The following KCNIP4 variants were observed in gnomAD, a reference collection of about 807,000 sequenced individuals.
KCNIP4 encodes the protein Kv channel-interacting protein 4.
Under a neutral mutation model 34.0 loss-of-function variants are expected in KCNIP4, and 12 were observed. The ratio of observed to expected loss-of-function variants is 0.35; its 90% confidence interval spans 0.23 to 0.57. The LOEUF is 0.57. Ranked by LOEUF, KCNIP4 falls within the 20% of genes least tolerant of loss-of-function variation. The probability of loss-of-function intolerance (pLI) is 0.83; values close to 1 mark genes in which losing one functional copy is unlikely to be tolerated. For synonymous variants in KCNIP4, 124 were observed against 102.2 expected (o/e 1.21, Z -1.29); for missense variants, 238 against 311.7 (o/e 0.76, Z 1.78).
intron 1 of KCNIP4, among the ~76,000 whole-genome samples, chr4:20,913,921 C>T (rs1728568505): frequency 1.3e-5 from 2 of 151,986 alleles, no homozygotes; most frequent in South Asian, 4.2e-4. Flanking sequence ...TTTGGGAGGC[C>T]AAGGTGGGCG....
At chr4:21,535,809 C>G (rs970983731) in intron 1 of KCNIP4, among the ~76,000 whole-genome samples, 2 of 152,040 alleles carry the variant, frequency 1.3e-5, no homozygotes, top group African/African-American at 2.4e-5. Context: ...TATTTCCATC[C>G]TAAGGTTTTT....
chr4:21,266,843 A>G (rs1670563887), intron 1 of KCNIP4, among the ~76,000 whole-genome samples: 1 of 152,198 alleles, frequency 6.6e-6, no homozygotes, highest in African/African-American at 2.4e-5. Context: ...TGATGCAATC[A>G]TAATTTGGCT....
intron 1 of KCNIP4, among the ~76,000 whole-genome samples, chr4:21,152,894 C>T (rs1577795164): frequency 6.6e-6 from 1 of 152,126 alleles, no homozygotes; most frequent in East Asian, 1.9e-4. Context: ...TCGAAACAAT[C>T]CCCACCCCCC....
chr4:21,607,846 G>A (rs2109137847), intron 1 of KCNIP4, among the ~76,000 whole-genome samples: 1 of 152,130 alleles, frequency 6.6e-6, no homozygotes, highest in South Asian at 2.1e-4. Flanking sequence ...TAGTCACATA[G>A]CACAGCTGGT....
intron 1 of KCNIP4, among the ~76,000 whole-genome samples, chr4:21,787,269 G>A (rs1719973948): frequency 6.6e-6 from 1 of 152,162 alleles, no homozygotes. Context: ...TGATGCATAT[G>A]CAATTATTCT....
intron 1 of KCNIP4, among the ~76,000 whole-genome samples, chr4:21,947,458 C>A (rs935900079): frequency 6.6e-5 from 10 of 152,260 alleles, no homozygotes; most frequent in African/African-American, 2.4e-4. Flanking sequence ...TCAAGTGAGA[C>A]TAGTGTCCTC....
At chr4:20,921,770 G>A (rs12650791) in intron 1 of KCNIP4, among the ~76,000 whole-genome samples, 6,390 of 152,170 alleles carry the variant, frequency 0.042, 270 homozygotes, top group African/African-American at 0.11. Context: ...TGAAATAAAA[G>A]CAATAATGAA....
intron 1 of KCNIP4, among the ~76,000 whole-genome samples, chr4:21,442,922 G>A (rs555419239): frequency 2.6e-4 from 40 of 152,200 alleles, no homozygotes; most frequent in African/African-American, 8.4e-4. Flanking sequence ...AAACTCTTAA[G>A]GATTCATCTG....
chr4:21,800,172 T>A (rs17507672), intron 1 of KCNIP4, among the ~76,000 whole-genome samples: 13 of 152,116 alleles, frequency 8.5e-5, no homozygotes, highest in South Asian at 2.1e-4. Context: ...GTTAAAAAAA[T>A]CAAATTATCA....
chr4:20,975,380 G>A (rs1735378625), intron 1 of KCNIP4, among the ~76,000 whole-genome samples: 1 of 152,106 alleles, frequency 6.6e-6, no homozygotes. Flanking sequence ...AATAAAAAGA[G>A]TATATTATCA....
At chr4:21,455,338 GAA>G (rs1728837153) in intron 1 of KCNIP4, among the ~76,000 whole-genome samples, 1 of 152,028 alleles carries the variant, frequency 6.6e-6, no homozygotes. Flanking sequence ...CAGTCTTTCA[GAA>G]AGTGTCTCCA....
At chr4:21,101,949 G>T (rs894174649) in intron 1 of KCNIP4, among the ~76,000 whole-genome samples, 1 of 152,098 alleles carries the variant, frequency 6.6e-6, no homozygotes, top group African/African-American at 2.4e-5. Context: ...TGTATAGAAA[G>T]CTAAGAGAGG....
At chr4:21,908,529 A>G (rs1728124647) in intron 1 of KCNIP4, among the ~76,000 whole-genome samples, 1 of 152,298 alleles carries the variant, frequency 6.6e-6, no homozygotes, top group African/African-American at 2.4e-5. Flanking sequence ...GGATCATGCT[A>G]GAGTGAAGTT....
intron 1 of KCNIP4, among the ~76,000 whole-genome samples, chr4:21,654,180 G>C (rs78888050): frequency 0.013 from 2,004 of 152,280 alleles, 28 homozygotes; most frequent in Non-Finnish European, 0.02. Flanking sequence ...TCAATTTACA[G>C]TTAAGTATAC....
At chr4:21,710,489 C>T (rs759757251) in intron 1 of KCNIP4, among the ~76,000 whole-genome samples, 4 of 152,212 alleles carry the variant, frequency 2.6e-5, no homozygotes, top group African/African-American at 7.2e-5. Flanking sequence ...CCACCTAATG[C>T]AGTTTTCATG....
At chr4:20,931,198 G>GAC (rs901352484) in intron 1 of KCNIP4, among the ~76,000 whole-genome samples, 12 of 108,312 alleles carry the variant, frequency 1.1e-4, no homozygotes, top group Middle Eastern at 5.2e-3. Flanking sequence ...CACACACACA[G>GAC]ACACACACAC....
intron 1 of KCNIP4, among the ~76,000 whole-genome samples, chr4:21,793,924 C>T (rs1209600970): frequency 6.6e-6 from 1 of 152,152 alleles, no homozygotes; most frequent in Non-Finnish European, 1.5e-5. Flanking sequence ...GAAAATGTGG[C>T]ACATATACAC....
chr4:21,516,118 T>C (rs189706687), intron 1 of KCNIP4, among the ~76,000 whole-genome samples: 13 of 152,284 alleles, frequency 8.5e-5, no homozygotes, highest in East Asian at 3.9e-4. Context: ...AGGAAACTTA[T>C]GTTGAGCTCT....
At chr4:20,794,823 A>G (rs1713244680) in intron 3 of KCNIP4, among the ~76,000 whole-genome samples, 1 of 152,218 alleles carries the variant, frequency 6.6e-6, no homozygotes, top group South Asian at 2.1e-4. Context: ...ATCTAACAAC[A>G]CAACACTGAC....
Sources: gnomAD v4.1 joint callset for allele counts (sites outside exome capture counted in the v4.1 genomes callset) on GRCh38, gnomAD v4.1.1 for gene constraint, MANE v1.5 for transcripts, NCBI Gene and HGNC (gene_info 2026-07-23, HGNC 2026-07-21) for gene names.